NEDD1: variants seen among roughly 807,000 people sequenced by gnomAD.
The protein encoded by NEDD1 is protein NEDD1.
NEDD1 carries 33 observed loss-of-function variants against 74.0 expected under a neutral mutation model. The ratio of observed to expected loss-of-function variants is 0.45; its 90% CI spans 0.34 to 0.60. The LOEUF is 0.60. NEDD1 is among the 20% of genes least tolerant of loss of function. The probability of loss-of-function intolerance (pLI) is 0.01; values close to 1 mark genes in which losing one functional copy is unlikely to be tolerated. For synonymous variants in NEDD1, 250 were observed against 264.4 expected (o/e 0.95, Z 0.53); for missense variants, 746 against 776.5 (o/e 0.96, Z 0.47).
chr12:96,927,395 T>C (rs887803959), intron 6 of NEDD1, among the ~76,000 whole-genome samples: 3 of 152,232 alleles, frequency 2.0e-5, no homozygotes, highest in African/African-American at 7.2e-5. Context: ...AGTGTCTTTC[T>C]ACAGGGGAAA....
chr12:96,915,989 C>T (rs1874399323), intron 4 of NEDD1, among the ~76,000 whole-genome samples: 1 of 152,056 alleles, frequency 6.6e-6, no homozygotes, highest in Non-Finnish European at 1.5e-5. Context: ...TATCTGTTGA[C>T]CAGAAAGTCT....
intron 14 of NEDD1, among the ~76,000 whole-genome samples, chr12:96,951,008 T>C (rs995195953): frequency 4.0e-5 from 6 of 151,860 alleles, no homozygotes; most frequent in Non-Finnish European, 8.9e-5. Context: ...TCTAACCTAG[T>C]GAATTTTCTG....
Position 96,951,508 on chromosome 12 carries a change from G to T in NEDD1, c.1878+10G>T. ...GTTTCATATGCAACTGGTATGTATG[G>T]CAAATTTTATTTTAATATTTTAAAT... On this transcript the variant is annotated intron_variant, in intron 15 of 15. Coordinates refer to ENST00000266742, the MANE Select transcript of NEDD1 (RefSeq NM_152905.4). 1 of 1,381,576 alleles carries T rather than the reference G, an allele frequency of 7.2e-7. No homozygotes were observed. Among genetic ancestry groups the T allele is most frequent in the African/African-American group, 1.4e-5 (1 of 69,440 alleles). The allele number at this position is 1,381,576 out of a possible 1,614,324, so 85.6% of individuals were successfully genotyped here.
chr12:96,932,463 A>AAAAAAAAAATATATAT, intron 6 of NEDD1, among the ~76,000 whole-genome samples: 1 of 9,436 alleles, frequency 1.1e-4, no homozygotes, highest in Non-Finnish European at 2.0e-4. Flanking sequence ...AAAAAAAAAA[A>AAAAAAAAAATATATAT]ATATATATAT....
chr12:96,943,585 C>G lies in NEDD1; in HGVS notation c.1320C>G (p.Asn440Lys). The change falls in exon 12 of 16, where the codon AAC becomes AAG. Residue 440 changes from asparagine to lysine, a missense_variant. Physicochemically the swap from Asn to Lys is moderately conservative, Grantham distance 94. This residue lies in a region of NEDD1 where 706 missense variants were observed against 706.7 expected (regional missense o/e 1.00). Coordinates refer to ENST00000266742, the MANE Select transcript of NEDD1 (RefSeq NM_152905.4). ...GCTTTGACTTTCTACCGCAGTTGAA[C>G]TCAGTGTTTCCTCCAAGAAAAAATC... ...GDGFDFLPQL[N>K]SVFPPRKNPV... 1 of 1,613,036 alleles carries G rather than the reference C, an allele frequency of 6.2e-7. No homozygotes were observed. The highest frequency in any genetic ancestry group is 2.2e-5 in the East Asian group (1 of 44,832).
chr12:96,928,877 G>A (rs1268477617), intron 6 of NEDD1, among the ~76,000 whole-genome samples: 1 of 151,530 alleles, frequency 6.6e-6, no homozygotes, highest in African/African-American at 2.4e-5. Context: ...TTGTAGTAGA[G>A]ATGGAGGTTT....
At chr12:96,934,707 T>G (rs1376721335) in intron 6 of NEDD1, among the ~76,000 whole-genome samples, 2 of 151,936 alleles carry the variant, frequency 1.3e-5, no homozygotes, top group African/African-American at 2.4e-5. Flanking sequence ...CCAGCTAATT[T>G]TTGTATTTTT....
At chr12:96,908,720 A>C (rs1873584215) in intron 2 of NEDD1, among the ~76,000 whole-genome samples, 1 of 152,104 alleles carries the variant, frequency 6.6e-6, no homozygotes, top group Non-Finnish European at 1.5e-5. Flanking sequence ...TTTTGGAAAA[A>C]CTGGTGTGAC....
At chr12:96,947,913 C>T (rs1878352778) in intron 14 of NEDD1, among the ~76,000 whole-genome samples, 1 of 152,166 alleles carries the variant, frequency 6.6e-6, no homozygotes, top group African/African-American at 2.4e-5. Context: ...GGACTTCTCT[C>T]AGCTCTTCTG....
At chr12:96,935,919 A>G (rs1877040396) in intron 7 of NEDD1, among the ~76,000 whole-genome samples, 1 of 152,192 alleles carries the variant, frequency 6.6e-6, no homozygotes, top group Non-Finnish European at 1.5e-5. Flanking sequence ...GAATGTTACT[A>G]CAAGGGAAGG....
At chr12:96,946,767 T>C (rs998173156) in intron 14 of NEDD1, among the ~76,000 whole-genome samples, 2 of 152,142 alleles carry the variant, frequency 1.3e-5, no homozygotes, top group African/African-American at 4.8e-5. Context: ...TAGAACACTG[T>C]TGACAATATG....
Position 96,909,612 on chromosome 12 carries a change from T to C in NEDD1, c.-8-140T>C, listed in dbSNP as rs149210002. On this transcript the variant is annotated intron_variant, in intron 2 of 15. Transcript: ENST00000266742. ...CTGGCTTATGTTTTAGGAAAATCACTTCAACTGCTTTGGTGACTGCACTGT... is the reference window on the plus strand; with the variant it reads ...CTGGCTTATGTTTTAGGAAAATCACCTCAACTGCTTTGGTGACTGCACTGT... The C allele has an allele frequency of 2.3e-4, 146 of 645,500 alleles. No homozygotes were observed. In the African/African-American group the frequency reaches 2.5e-3, roughly 11 times the overall value. The allele number at this position is 645,500 out of a possible 1,614,324, so 40.0% of individuals were successfully genotyped here. A position where few individuals can be genotyped will look rare whatever the true frequency, so the allele number is the denominator to read the frequency against.
rs1287104054 is a variant in NEDD1 at position 96,943,758 on chromosome 12, A to G, written c.1493A>G (p.Lys498Arg). ...AAACAGGAATCTAAAGACTCCTTCA[A>G]ACAGGTATTTGCCTGAAAATGATAC... ...MGKQESKDSF[K>R]QLAKLVTSGA... The change falls in exon 12 of 16, where the codon AAA (lysine) becomes AGA (arginine). Residue 498 changes from lysine (K) to arginine (R), a missense_variant. Lys to Arg is a conservative substitution (Grantham distance 26, BLOSUM62 2). This residue lies in a region of NEDD1 where 706 missense variants were observed against 706.7 expected (regional missense o/e 1.00). Coordinates refer to ENST00000266742, the MANE Select transcript of NEDD1 (RefSeq NM_152905.4). 6.3e-7 allele frequency: 1 copy of G among 1,599,526 alleles called. No homozygotes were observed. Among genetic ancestry groups the G allele is most frequent in the East Asian group, 2.2e-5 (1 of 44,728 alleles).
intron 5 of NEDD1, 142 bp from the exon 6 acceptor site, chr12:96,919,843 A>G: frequency 1.9e-6 from 1 of 522,522 alleles, no homozygotes; most frequent in Non-Finnish European, 3.3e-6. Context: ...CATTATTGAA[A>G]ATAATTCTCT....
At chr12:96,929,938 A>G (rs1027964535) in intron 6 of NEDD1, among the ~76,000 whole-genome samples, 1 of 152,042 alleles carries the variant, frequency 6.6e-6, no homozygotes, top group Admixed American at 6.6e-5. Context: ...TTTGGCTGTT[A>G]TGGGCTGCTT....
Position 96,936,801 on chromosome 12 carries a change from G to T in NEDD1, c.910G>T (p.Val304Phe). The T allele has an allele frequency of 6.3e-7, 1 of 1,597,964 alleles. No individual in the cohort carries two copies. The highest frequency in any genetic ancestry group is 1.3e-5 in the African/African-American group (1 of 74,648). Residue 304 changes from valine to phenylalanine, a missense_variant, in exon 8 of 16, where the codon GTT becomes TTT. Physicochemically the swap from Val to Phe is conservative, Grantham distance 50. Transcript: ENST00000266742. ...VQCIAFQYSTVLTKSSLNKGC... is the reference protein window; with the variant it reads ...VQCIAFQYSTFLTKSSLNKGC... ...GTGTATAGCATTTCAGTACTCCACT[G>T]TTCTTACTAAGGTGAGACATTTTCT...
At chr12:96,947,163 T>C (rs1878275804) in intron 14 of NEDD1, among the ~76,000 whole-genome samples, 1 of 152,204 alleles carries the variant, frequency 6.6e-6, no homozygotes, top group African/African-American at 2.4e-5. Context: ...TTTGCCCTAA[T>C]CCTTTTTCCC....
At chr12:96,920,578 A>T (rs1874965906) in intron 6 of NEDD1, among the ~76,000 whole-genome samples, 1 of 152,194 alleles carries the variant, frequency 6.6e-6, no homozygotes, top group African/African-American at 2.4e-5. Context: ...TAGATATATG[A>T]TAAAGTATCG....
At chr12:96,930,147 C>G (rs1876221647) in intron 6 of NEDD1, among the ~76,000 whole-genome samples, 1 of 133,990 alleles carries the variant, frequency 7.5e-6, no homozygotes, top group Admixed American at 7.9e-5. Context: ...AGTTTATTAT[C>G]TGTTGTAAAA....
Sources: allele counts gnomAD v4.1 joint callset (sites outside exome capture counted in the v4.1 genomes callset), GRCh38; gene constraint gnomAD v4.1.1; regional missense constraint gnomAD v4.1.1; transcripts MANE v1.5; gene names NCBI Gene and HGNC (gene_info 2026-07-23, HGNC 2026-07-21).